ACAN: variants seen among roughly 807,000 people sequenced by gnomAD.
ACAN encodes the protein aggrecan, also known as aggrecan core protein.
ACAN carries 47 observed loss-of-function variants against 169.1 expected under a neutral mutation model. The observed-to-expected ratio is 0.28, with a 90% CI of 0.22 to 0.35. The LOEUF (loss-of-function observed/expected upper bound fraction) is 0.35. Ranked by LOEUF, ACAN falls within the 10% of genes least tolerant of loss-of-function variation. The probability of loss-of-function intolerance (pLI) is 1.00; values close to 1 mark genes in which losing one functional copy is unlikely to be tolerated. For missense variants in ACAN, 2,716 were observed against 2,759.9 expected, an observed-to-expected ratio of 0.98 and a Z score of 0.36; for synonymous variants, 1,115 against 1,112.2, an observed-to-expected ratio of 1.00 and a Z score of -0.05.
Position 88,807,863 on chromosome 15 carries a change from T to G in ACAN, c.-8+4054T>G, listed in dbSNP as rs537957977. ...TCTCTCCCTCTCAATGGCCTTACAG[T>G]GTATCCTAAAGAAGCTTTTTGTTAA... is the stretch of plus-strand genomic sequence containing the variant. On this transcript the variant is annotated intron_variant, in intron 1 of 18. Transcript: ENST00000560601. The surrounding 1 kb of genome is among the most constrained non-coding windows in gnomAD (Gnocchi z 4.0). Among the ~76,000 whole-genome samples, 1 of 151,698 alleles carries G rather than the reference T, an allele frequency of 6.6e-6. No individual in the cohort carries two copies. Among genetic ancestry groups the G allele is most frequent in the Non-Finnish European group, 1.5e-5 (1 of 67,952 alleles).
At chr15:88,818,263 C>A (rs1382893358) in intron 1 of ACAN, among the ~76,000 whole-genome samples, 1 of 152,162 alleles carries the variant, frequency 6.6e-6, no homozygotes, top group Non-Finnish European at 1.5e-5. Context: ...TAGTTCTTTG[C>A]CCCAGCACTG....
intron 1 of ACAN, among the ~76,000 whole-genome samples, chr15:88,817,557 G>A (rs1895971058): frequency 1.4e-5 from 2 of 147,940 alleles, no homozygotes. Context: ...GTTCAAGATA[G>A]AAAAAAAAAA....
In ACAN at chr15:88,860,398, G is replaced by A. The variant is rs1014276564; in HGVS notation, c.6905G>A (p.Cys2302Tyr). 6.2e-7 allele frequency: 1 copy of A among 1,613,718 alleles called. No individual in the cohort carries two copies. Among genetic ancestry groups the A allele is most frequent in the Non-Finnish European group, 8.5e-7 (1 of 1,179,826 alleles). Residue 2302 changes from cysteine to tyrosine, a missense_variant, in exon 13 of 19, where the codon TGC becomes TAC. Transcript: ENST00000560601. The part of the protein sequence containing the change: ...TCKETEGHVI[C>Y]LCPPGYTGEH... ...AAGGAGACAGAGGGACACGTCATAT[G>A]CCTGTGCCCCCCTGGCTACACTGGC...
At chr15:88,842,301 C>A (rs769341969) in intron 5 of ACAN, among the ~76,000 whole-genome samples, 5 of 152,176 alleles carry the variant, frequency 3.3e-5, no homozygotes, top group Non-Finnish European at 7.3e-5. Flanking sequence ...CCACCCTCTC[C>A]CAGAGTCCCT....
chr15:88,813,413 G>A (rs1895868258), intron 1 of ACAN, among the ~76,000 whole-genome samples: 2 of 152,184 alleles, frequency 1.3e-5, no homozygotes, highest in Non-Finnish European at 2.9e-5. Context: ...CTGTGGCCAT[G>A]GCTCAGGGAC....
chr15:88,847,765 A>C, intron 8 of ACAN, 146 bp from the exon 9 acceptor site: 5 of 1,097,008 alleles, frequency 4.6e-6, no homozygotes, highest in Non-Finnish European at 6.2e-6. Context: ...AACTTGCTGC[A>C]TAAGGGGCTT....
rs532062524 is a variant in ACAN, at chr15:88,824,107, G to A, written c.-7-12093G>A. Among the ~76,000 whole-genome samples the A allele has an allele frequency of 5.9e-3, 896 of 152,210 alleles. 2 individuals are homozygous for A. The highest frequency in any genetic ancestry group is 0.011 in the Non-Finnish European group (715 of 68,002). On this transcript the variant is annotated intron_variant, in intron 1 of 18. Transcript: ENST00000560601. ...TGGGAGGCCGAGGCAGGCAGACCAC[G>A]AGATCAGGAGATCAAGACCATCCTG... is the stretch of plus-strand genomic sequence containing the variant.
intron 1 of ACAN, among the ~76,000 whole-genome samples, chr15:88,826,465 G>T (rs1233367410): frequency 3.4e-5 from 2 of 58,854 alleles, no homozygotes; most frequent in African/African-American, 2.8e-4. Flanking sequence ...AGCCAGCTTT[G>T]CAGGGGACCC....
intron 1 of ACAN, among the ~76,000 whole-genome samples, chr15:88,821,317 A>G (rs1309800107): frequency 6.6e-6 from 1 of 151,962 alleles, no homozygotes; most frequent in African/African-American, 2.4e-5. Context: ...TGTTGTAGAG[A>G]CAGGGGGAAG....
intron 1 of ACAN, among the ~76,000 whole-genome samples, chr15:88,823,475 A>G: frequency 6.6e-6 from 1 of 151,664 alleles, no homozygotes; most frequent in Non-Finnish European, 1.5e-5. Flanking sequence ...TGGATGAGTG[A>G]AGCAGGAGGA....
rs1217337194 is a variant in ACAN, at chr15:88,858,723, T to C, written c.6138T>C (p.Thr2046=). 1 of 1,613,964 alleles carries C rather than the reference T, an allele frequency of 6.2e-7. No individual in the cohort carries two copies. Among genetic ancestry groups the C allele is most frequent in the South Asian group, 1.1e-5 (1 of 91,070 alleles). ...LITSEFVEGV[T]EPTISQELGQ... is the part of the protein sequence containing the mutation. ...CTTCTGAGTTCGTGGAGGGTGTTAC[T>C]GAACCAACTATTTCTCAGGAACTAG... Residue 2046 remains threonine (T), a synonymous_variant, in exon 12 of 19, where the codon ACT becomes ACC. Transcript: ENST00000560601. This position sits in a 1 kb window ranked among gnomAD's most constrained non-coding sequence, Gnocchi z 4.0.
chr15:88,812,228 A>T (rs1364974731), intron 1 of ACAN, among the ~76,000 whole-genome samples: 2 of 152,124 alleles, frequency 1.3e-5, no homozygotes, highest in African/African-American at 2.4e-5. Context: ...GTTTGCACAC[A>T]GCAGGGTCAG....
In ACAN at chr15:88,838,586, G is replaced by C; in HGVS notation, c.71-77G>C. The C allele has an allele frequency of 6.7e-7, 1 of 1,492,058 alleles. No homozygotes were observed. The highest frequency in any genetic ancestry group is 9.0e-7 in the Non-Finnish European group (1 of 1,106,794). The allele number at this position is 1,492,058 out of a possible 1,614,324, so 92.4% of individuals were successfully genotyped here. A position where few individuals can be genotyped will look rare whatever the true frequency, so the allele number is the denominator to read the frequency against. ...GCTCTCTCAGGAGAGTGCATTGCTGGAAGGATGGATGGGGAGGCGGGGTGG... is the reference window on the plus strand; with the variant it reads ...GCTCTCTCAGGAGAGTGCATTGCTGCAAGGATGGATGGGGAGGCGGGGTGG... On this transcript the variant is annotated intron_variant, in intron 2 of 18. Coordinates refer to ENST00000560601, the MANE Select transcript of ACAN (RefSeq NM_001369268.1). The surrounding 1 kb of genome is among the most constrained non-coding windows in gnomAD (Gnocchi z 5.1).
intron 1 of ACAN, among the ~76,000 whole-genome samples, chr15:88,817,404 A>T (rs530966144): frequency 1.3e-5 from 2 of 152,254 alleles, no homozygotes; most frequent in African/African-American, 4.8e-5. Flanking sequence ...GGCCTCCCAA[A>T]GTGCTGGGAT....
intron 1 of ACAN, among the ~76,000 whole-genome samples, chr15:88,832,252 C>T (rs1238423353): frequency 6.8e-6 from 1 of 147,590 alleles, no homozygotes; most frequent in Non-Finnish European, 1.5e-5. Context: ...GTGGAAAAGA[C>T]AAATAGCATG....
Position 88,857,848 on chromosome 15 carries a change from C to A in ACAN, c.5263C>A (p.Leu1755Ile), listed in dbSNP as rs1281959099. 2.5e-6 allele frequency: 4 copies of A among 1,613,746 alleles called. No individual in the cohort carries two copies. Among genetic ancestry groups the A allele is most frequent in the Non-Finnish European group, 3.4e-6 (4 of 1,179,800 alleles). ...TSGETSGVTE[L>I]SGLSSGQPGI... ...TGGGGAAACATCTGGAGTGACTGAG[C>A]TTAGCGGGCTGTCCTCTGGACAACC... Residue 1755 changes from leucine to isoleucine, a missense_variant, in exon 12 of 19, where the codon CTT becomes ATT. Around this residue, in one of 3 missense-constraint regions of ACAN, gnomAD observed 1,389 missense variants for 1,363.7 expected, o/e 1.02. Coordinates refer to ENST00000560601, the MANE Select transcript of ACAN (RefSeq NM_001369268.1).
chr15:88,853,508 C>T (rs553081055), intron 11 of ACAN, among the ~76,000 whole-genome samples: 1 of 151,982 alleles, frequency 6.6e-6, no homozygotes, highest in Non-Finnish European at 1.5e-5. Flanking sequence ...TGTGGTGGCA[C>T]GCACCTGTAG....
At chr15:88,826,828 T>C (rs949839955) in intron 1 of ACAN, among the ~76,000 whole-genome samples, 3 of 152,136 alleles carry the variant, frequency 2.0e-5, no homozygotes, top group Non-Finnish European at 4.4e-5. Flanking sequence ...CCTTGAAATG[T>C]GTTTGTTGAC....
At chr15:88,852,120 C>A in intron 11 of ACAN, 87 bp downstream of exon 11, 1 of 1,492,412 alleles carries the variant, frequency 6.7e-7, no homozygotes. Context: ...GGGGGGTTCC[C>A]TCCCTGGGAT....
Sources: gnomAD v4.1 joint callset for allele counts (sites outside exome capture counted in the v4.1 genomes callset) on GRCh38, gnomAD v4.1.1 for gene constraint, gnomAD v4.1.1 regional missense constraint, Gnocchi (gnomAD v3.1) non-coding constraint, MANE v1.5 for transcripts, NCBI Gene and HGNC (gene_info 2026-07-23, HGNC 2026-07-21) for gene names.